The following CADPS2 variants were observed in gnomAD, a reference collection of about 807,000 sequenced individuals.
CADPS2 encodes calcium-dependent secretion activator 2.
In CADPS2, 93 loss-of-function variants were observed where a neutral mutation model predicts 172.5. The observed-to-expected ratio is 0.54, with a 90% CI of 0.46 to 0.64. The LOEUF is 0.64. CADPS2 is among the 30% of genes least tolerant of loss of function. The pLI is 0.00. For synonymous variants in CADPS2, 546 were observed against 555.2 expected (o/e 0.98, Z 0.23); for missense variants, 1,420 against 1,565.9 (o/e 0.91, Z 1.57).
chr7:122,415,525 T>C (rs1011797166), intron 18 of CADPS2, among the ~76,000 whole-genome samples: 6 of 149,218 alleles, frequency 4.0e-5, no homozygotes, highest in African/African-American at 1.2e-4. Flanking sequence ...TATGGAATTA[T>C]GAGAGAAATA....
intron 6 of CADPS2, among the ~76,000 whole-genome samples, chr7:122,597,586 T>A (rs2072039112): frequency 6.6e-6 from 1 of 152,092 alleles, no homozygotes; most frequent in African/African-American, 2.4e-5. Flanking sequence ...AAACCATAGT[T>A]TTGTCTCTGA....
intron 8 of CADPS2, among the ~76,000 whole-genome samples, chr7:122,546,630 T>C (rs776366102): frequency 2.0e-5 from 3 of 152,212 alleles, no homozygotes; most frequent in Non-Finnish European, 2.9e-5. Flanking sequence ...TTTGCTGCTA[T>C]TGCCCTTCAC....
At chr7:122,850,151 G>T (rs988466712) in intron 1 of CADPS2, 28 of 1,153,584 alleles carry the variant, frequency 2.4e-5, no homozygotes, top group Non-Finnish European at 3.1e-5. Flanking sequence ...TGAACAGGGC[G>T]TATCTGTGGC....
chr7:122,746,322 G>A (rs1416991408), intron 1 of CADPS2, among the ~76,000 whole-genome samples: 1 of 152,042 alleles, frequency 6.6e-6, no homozygotes, highest in African/African-American at 2.4e-5. Flanking sequence ...GTTAACATAC[G>A]TTTTAAGTTT....
chr7:122,856,408 G>GAGAAGAGAAA (rs2141204982), intron 1 of CADPS2, among the ~76,000 whole-genome samples: 1 of 152,204 alleles, frequency 6.6e-6, no homozygotes, highest in Admixed American at 6.5e-5. Context: ...TTTCTGAAAT[G>GAGAAGAGAAA]TCTCTTCCAA....
At chr7:122,530,047 C>T (rs570081593) in intron 8 of CADPS2, among the ~76,000 whole-genome samples, 1 of 152,074 alleles carries the variant, frequency 6.6e-6, no homozygotes, top group African/African-American at 2.4e-5. Flanking sequence ...TTAATATTTA[C>T]TTTGGGCAGT....
chr7:122,760,204 T>C (rs1023573011), intron 1 of CADPS2, among the ~76,000 whole-genome samples: 1 of 151,910 alleles, frequency 6.6e-6, no homozygotes, highest in African/African-American at 2.4e-5. Flanking sequence ...TTAAGCACTG[T>C]ATATGCTAAG....
chr7:122,815,085 G>A (rs1217825491), intron 1 of CADPS2, among the ~76,000 whole-genome samples: 2 of 152,110 alleles, frequency 1.3e-5, no homozygotes, highest in African/African-American at 4.8e-5. Context: ...AAGGAGTTAA[G>A]ATCTAAAGAA....
intron 2 of CADPS2, among the ~76,000 whole-genome samples, chr7:122,690,469 A>G (rs1018824314): frequency 2.6e-5 from 4 of 152,210 alleles, no homozygotes; most frequent in African/African-American, 9.6e-5. Context: ...TGTAAGTTAT[A>G]CTGCAGACCC....
intron 15 of CADPS2, among the ~76,000 whole-genome samples, chr7:122,447,952 TC>T (rs1289565506): frequency 6.6e-6 from 1 of 152,058 alleles, no homozygotes; most frequent in African/African-American, 2.4e-5. Context: ...TTAGTGCATG[TC>T]TAAAAATATC....
At position 122,438,162 on chromosome 7, in the gene CADPS2, C is replaced by T. The variant is rs140828948; in HGVS notation, c.2476+179G>A. Among the ~76,000 whole-genome samples, 1,500 of 152,136 alleles carry T rather than the reference C, an allele frequency of 9.9e-3. 9 individuals are homozygous for T. The highest frequency in any genetic ancestry group is 0.014 in the Non-Finnish European group (975 of 67,996). On this transcript the variant is annotated intron_variant, in intron 17 of 29. Transcript: ENST00000449022. Reference sequence around the variant, plus strand: ...TTCATTCAAGCAGAGTCCCAGGAGGCATATTAAAGCAATGAATAGGAAAAA... The same window carrying T: ...TTCATTCAAGCAGAGTCCCAGGAGGTATATTAAAGCAATGAATAGGAAAAA...
At chr7:122,569,743 C>T (rs2066960781) in intron 7 of CADPS2, among the ~76,000 whole-genome samples, 1 of 147,942 alleles carries the variant, frequency 6.8e-6, no homozygotes, top group African/African-American at 2.6e-5. Context: ...CTACAACTAT[C>T]TGATCTTTGA....
intron 6 of CADPS2, among the ~76,000 whole-genome samples, chr7:122,601,983 C>T (rs2072851818): frequency 6.6e-6 from 1 of 151,876 alleles, no homozygotes; most frequent in Admixed American, 6.6e-5. Flanking sequence ...TTGCCATTAA[C>T]CTTACTAAAT....
rs138035841 is a variant in CADPS2 at position 122,845,076 on chromosome 7, C to T, written c.339+40923G>A. 5.4e-3 allele frequency among the ~76,000 whole-genome samples: 816 copies of T among 152,176 alleles called. 7 individuals carry two copies. Among genetic ancestry groups the T allele is most frequent in the Middle Eastern group, 0.031 (9 of 294 alleles). On this transcript the variant is annotated intron_variant, in intron 1 of 29. Coordinates refer to ENST00000449022, the MANE Select transcript of CADPS2 (RefSeq NM_017954.11). ...CCCTGCTGATAAGCCAAATAAATAA[C>T]CTACATTCTCTATCACAAATCCCAG...
At chr7:122,526,212 G>A (rs2061223047) in intron 8 of CADPS2, among the ~76,000 whole-genome samples, 1 of 150,064 alleles carries the variant, frequency 6.7e-6, no homozygotes, top group African/African-American at 2.5e-5. Context: ...ATTTATTTGA[G>A]GCAGAGTCTC....
intron 4 of CADPS2, among the ~76,000 whole-genome samples, chr7:122,624,646 G>A (rs767337629): frequency 6.6e-6 from 1 of 152,134 alleles, no homozygotes; most frequent in Non-Finnish European, 1.5e-5. Context: ...TACCATATTG[G>A]TATTCTCTCT....
At chr7:122,469,020 C>T (rs961965571) in intron 14 of CADPS2, among the ~76,000 whole-genome samples, 7 of 152,158 alleles carry the variant, frequency 4.6e-5, no homozygotes, top group South Asian at 2.1e-4. Context: ...GTGGATTTCA[C>T]ATGCAATATT....
rs111858230 is a variant in CADPS2 at position 122,378,487 on chromosome 7, G to C, written c.3387+881C>G. 4.4e-3 allele frequency among the ~76,000 whole-genome samples: 677 copies of C among 152,154 alleles called. 4 individuals carry two copies. The highest frequency in any genetic ancestry group is 8.0e-3 in the Non-Finnish European group (543 of 67,976). ...TTGCATTCCTTAAATTATTAATGAG[G>C]ATTAACATTTTTCATGTTCATGGGG... is the stretch of plus-strand genomic sequence containing the variant. On this transcript the variant is annotated intron_variant, in intron 25 of 29. Coordinates refer to ENST00000449022, the MANE Select transcript of CADPS2 (RefSeq NM_017954.11).
intron 25 of CADPS2, among the ~76,000 whole-genome samples, chr7:122,369,271 C>G (rs2041443134): frequency 6.6e-6 from 1 of 151,748 alleles, no homozygotes; most frequent in Non-Finnish European, 1.5e-5. Context: ...GCTGGGACTA[C>G]ATGTGCCCGC....
Sources: gnomAD v4.1 joint callset for allele counts (sites outside exome capture counted in the v4.1 genomes callset) on GRCh38, gnomAD v4.1.1 for gene constraint, MANE v1.5 for transcripts, NCBI Gene and HGNC (gene_info 2026-07-23, HGNC 2026-07-21) for gene names.